Variants in PDE4D observed in about 807,000 individuals in gnomAD.
The protein encoded by PDE4D is phosphodiesterase 4D, also known as 3',5'-cyclic-AMP phosphodiesterase 4D.
A neutral mutation model predicts 87.4 loss-of-function variants in PDE4D; 24 were observed. The ratio of observed to expected loss-of-function variants is 0.27; its 90% CI spans 0.20 to 0.39. PDE4D has a LOEUF of 0.39. Among genes scored for constraint, PDE4D ranks in the 10% least tolerant of loss-of-function variants. The pLI, the probability that PDE4D is intolerant of heterozygous loss-of-function variation, is 1.00. For missense variants in PDE4D, 714 were observed against 1,041.0 expected, an observed-to-expected ratio of 0.69 and a Z score of 4.32; for synonymous variants, 384 against 383.2, an observed-to-expected ratio of 1.00 and a Z score of -0.02.
At chr5:59,796,953 G>A (rs1161014039) in intron 1 of PDE4D, 1 of 152,086 alleles carries the variant, frequency 6.6e-6, no homozygotes, top group Non-Finnish European at 1.5e-5. Context: ...CTGATTTGGA[G>A]CAGCCTGTCG....
intron 1 of PDE4D, among the ~76,000 whole-genome samples, chr5:59,521,837 A>T (rs1812305094): frequency 6.6e-6 from 1 of 152,312 alleles, no homozygotes; most frequent in South Asian, 2.1e-4. Flanking sequence ...TAGATCTGTC[A>T]CCCCAGAATG....
chr5:59,077,892 T>C (rs1255618450), intron 5 of PDE4D, among the ~76,000 whole-genome samples: 1 of 152,190 alleles, frequency 6.6e-6, no homozygotes, highest in East Asian at 1.9e-4. Flanking sequence ...TGGTAGTGTA[T>C]ACTGCAGATT....
intron 1 of PDE4D, among the ~76,000 whole-genome samples, chr5:59,629,019 T>C (rs1162420248): frequency 1.3e-5 from 2 of 152,048 alleles, no homozygotes; most frequent in Admixed American, 1.3e-4. Flanking sequence ...AACCATCAGA[T>C]CTCATGAGAA....
intron 1 of PDE4D, among the ~76,000 whole-genome samples, chr5:59,798,013 A>T (rs1766687654): frequency 6.6e-6 from 1 of 152,010 alleles, no homozygotes; most frequent in African/African-American, 2.4e-5. Flanking sequence ...AGTCTGGAGG[A>T]TCACTTACAC....
At chr5:59,091,322 C>A (rs1017923600) in intron 5 of PDE4D, among the ~76,000 whole-genome samples, 13 of 152,066 alleles carry the variant, frequency 8.5e-5, no homozygotes, top group African/African-American at 3.1e-4. Flanking sequence ...CATCAAGATA[C>A]ACGCACATAA....
intron 1 of PDE4D, among the ~76,000 whole-genome samples, chr5:59,655,133 A>G (rs780783435): frequency 6.6e-6 from 1 of 151,748 alleles, no homozygotes; most frequent in Admixed American, 6.6e-5. Context: ...TTTTTCAACC[A>G]TTGCCATATA....
intron 1 of PDE4D, among the ~76,000 whole-genome samples, chr5:59,493,795 T>C (rs1229657310): frequency 6.6e-6 from 1 of 152,214 alleles, no homozygotes; most frequent in African/African-American, 2.4e-5. Flanking sequence ...AGAGTGATTC[T>C]ATTTATTTGT....
chr5:59,004,653 G>A (rs980412767), intron 6 of PDE4D, among the ~76,000 whole-genome samples: 8 of 152,206 alleles, frequency 5.3e-5, no homozygotes, highest in South Asian at 4.1e-4. Flanking sequence ...ATACTTATAC[G>A]TAAAAAGTAG....
At chr5:60,449,067 C>CCG (rs1294426664) in intron 1 of PDE4D, among the ~76,000 whole-genome samples, 41 of 129,758 alleles carry the variant, frequency 3.2e-4, no homozygotes, top group African/African-American at 1.4e-3. Context: ...CCCCAACTGC[C>CCG]CGCGCACACA....
intron 1 of PDE4D, among the ~76,000 whole-genome samples, chr5:59,505,156 C>G (rs1027857782): frequency 6.6e-6 from 1 of 152,024 alleles, no homozygotes; most frequent in Admixed American, 6.6e-5. Flanking sequence ...AATATGCATT[C>G]CCAGGTTATG....
chr5:60,329,438 G>A (rs1257243202), intron 1 of PDE4D, among the ~76,000 whole-genome samples: 3 of 152,138 alleles, frequency 2.0e-5, no homozygotes, highest in Non-Finnish European at 4.4e-5. Flanking sequence ...CTTCAGAACT[G>A]TGAGTCAATT....
intron 1 of PDE4D, among the ~76,000 whole-genome samples, chr5:59,745,661 G>T (rs932542139): frequency 5.3e-5 from 8 of 152,076 alleles, no homozygotes; most frequent in Non-Finnish European, 8.8e-5. Flanking sequence ...AGCATTTCTT[G>T]AGGAGAAGCC....
At chr5:59,113,263 C>T (rs1030011259) in intron 5 of PDE4D, among the ~76,000 whole-genome samples, 28 of 152,168 alleles carry the variant, frequency 1.8e-4, no homozygotes, top group African/African-American at 6.8e-4. Flanking sequence ...AGGGGACCTA[C>T]TATATTCTAT....
chr5:59,767,267 T>G (rs1158418801), intron 1 of PDE4D, among the ~76,000 whole-genome samples: 1 of 152,162 alleles, frequency 6.6e-6, no homozygotes, highest in Admixed American at 6.5e-5. Flanking sequence ...TTTTGTTATG[T>G]TTTCTTTATC....
At chr5:59,533,794 G>C (rs1429055682) in intron 1 of PDE4D, among the ~76,000 whole-genome samples, 3 of 152,196 alleles carry the variant, frequency 2.0e-5, no homozygotes, top group Non-Finnish European at 4.4e-5. Context: ...GGCCCTTCCA[G>C]GTGATTCTGA....
intron 2 of PDE4D, among the ~76,000 whole-genome samples, chr5:60,106,608 G>T (rs1483404402): frequency 6.6e-6 from 1 of 150,456 alleles, no homozygotes; most frequent in Non-Finnish European, 1.5e-5. Context: ...ATAGTTGGAA[G>T]TAAAGCTCTC....
intron 3 of PDE4D, among the ~76,000 whole-genome samples, chr5:59,978,710 T>C (rs952916155): frequency 6.6e-6 from 1 of 152,172 alleles, no homozygotes; most frequent in Non-Finnish European, 1.5e-5. Context: ...TCAAACACCA[T>C]TGCATGCTAC....
At chr5:59,164,947 A>G (rs979982994) in intron 5 of PDE4D, 3 of 152,144 alleles carry the variant, frequency 2.0e-5, no homozygotes, top group Non-Finnish European at 4.4e-5. Flanking sequence ...AAGAGGCATC[A>G]ATAAATGTGT....
At chr5:60,486,856 C>T (rs1281886667) in intron 1 of PDE4D, among the ~76,000 whole-genome samples, 2 of 152,086 alleles carry the variant, frequency 1.3e-5, no homozygotes. Context: ...AGACAAAAAG[C>T]AACTTGAAAA....
Sources: allele counts gnomAD v4.1 joint callset (sites outside exome capture counted in the v4.1 genomes callset), GRCh38; gene constraint gnomAD v4.1.1; transcripts MANE v1.5; gene names NCBI Gene and HGNC (gene_info 2026-07-23, HGNC 2026-07-21).